SLC26A5: variants seen among roughly 807,000 people sequenced by gnomAD.
The protein encoded by SLC26A5 is prestin.
A neutral mutation model predicts 81.0 loss-of-function variants in SLC26A5; 51 were observed. The observed-to-expected ratio is 0.63, with a 90% CI of 0.50 to 0.80. The LOEUF is 0.80. SLC26A5 is among the 30% of genes least tolerant of loss of function. The pLI is 0.00. For synonymous variants in SLC26A5, 325 were observed against 332.8 expected (o/e 0.98, Z 0.25); for missense variants, 771 against 905.8 (o/e 0.85, Z 1.91).
At chr7:103,362,360 A>G (rs965774019) in intron 19 of SLC26A5, 53 of 1,346,416 alleles carry the variant, frequency 3.9e-5, no homozygotes, top group Non-Finnish European at 4.8e-5. Flanking sequence ...AACATGGTAT[A>G]GGTTGGGGGA....
intron 14 of SLC26A5, among the ~76,000 whole-genome samples, chr7:103,388,193 G>GTTTTT (rs897201043): frequency 2.6e-5 from 3 of 114,928 alleles, no homozygotes; most frequent in African/African-American, 7.0e-5. Context: ...AGCCCATAAA[G>GTTTTT]TTTTTTTTTT....
At chr7:103,387,655 C>T (rs1197976269) in intron 14 of SLC26A5, among the ~76,000 whole-genome samples, 1 of 152,322 alleles carries the variant, frequency 6.6e-6, no homozygotes, top group Middle Eastern at 3.4e-3. Context: ...CAGGACCTGA[C>T]TAAAGTCCAG....
At chr7:103,425,307 C>T (rs1204360943) in intron 2 of SLC26A5, among the ~76,000 whole-genome samples, 1 of 152,140 alleles carries the variant, frequency 6.6e-6, no homozygotes, top group Non-Finnish European at 1.5e-5. Context: ...CTGGCTAAAC[C>T]TAGAACTTCC....
intron 15 of SLC26A5, among the ~76,000 whole-genome samples, chr7:103,379,818 C>T (rs1821641457): frequency 2.0e-5 from 3 of 152,070 alleles, no homozygotes; most frequent in South Asian, 2.1e-4. Context: ...TTATCAAGAA[C>T]CCTTGTGGAA....
intron 19 of SLC26A5, among the ~76,000 whole-genome samples, chr7:103,354,134 C>G (rs1819889010): frequency 6.6e-6 from 1 of 152,086 alleles, no homozygotes; most frequent in Admixed American, 6.5e-5. Context: ...TTCTAGTAAT[C>G]TTCACTAAAT....
At chr7:103,391,003 C>A (rs371670364) in intron 11 of SLC26A5, among the ~76,000 whole-genome samples, 2 of 152,054 alleles carry the variant, frequency 1.3e-5, no homozygotes, top group African/African-American at 4.8e-5. Context: ...GTAGCTGGGA[C>A]TACAGGCATC....
chr7:103,436,260 T>C (rs1462077214), intron 2 of SLC26A5, among the ~76,000 whole-genome samples: 2 of 152,144 alleles, frequency 1.3e-5, no homozygotes, highest in African/African-American at 4.8e-5. Context: ...CAGGAGACCC[T>C]TGGCATTTGA....
At chr7:103,418,742 C>T (rs1285090659) in intron 4 of SLC26A5, among the ~76,000 whole-genome samples, 1 of 152,200 alleles carries the variant, frequency 6.6e-6, no homozygotes, top group Non-Finnish European at 1.5e-5. Context: ...TTTTGGCCAG[C>T]TGACCTACAG....
At chr7:103,431,496 A>C (rs1826081000) in intron 2 of SLC26A5, among the ~76,000 whole-genome samples, 1 of 151,712 alleles carries the variant, frequency 6.6e-6, no homozygotes, top group South Asian at 2.1e-4. Context: ...CTAATTTTTA[A>C]ATTTTTCTTC....
chr7:103,372,436 C>A (rs1207464527), downstream of SLC26A5, among the ~76,000 whole-genome samples: 1 of 152,224 alleles, frequency 6.6e-6, no homozygotes, highest in African/African-American at 2.4e-5. Context: ...AACTCACTAT[C>A]AGCAGGAACT....
intron 3 of SLC26A5, among the ~76,000 whole-genome samples, 172 bp downstream of exon 3, chr7:103,421,191 T>C (rs980691015): frequency 1.3e-5 from 2 of 152,222 alleles, no homozygotes; most frequent in Non-Finnish European, 1.5e-5. Flanking sequence ...TGATGAAGCC[T>C]GTGTGCAAAT....
intron 19 of SLC26A5, 34 bp downstream of exon 19, chr7:103,376,773 TA>T (rs760096480): frequency 1.7e-5 from 25 of 1,455,964 alleles, no homozygotes; most frequent in Non-Finnish European, 2.3e-5. Flanking sequence ...AAAACTAAAA[TA>T]TTAAGCTTCA....
intron 19 of SLC26A5, chr7:103,363,328 T>A: frequency 6.3e-7 from 1 of 1,589,242 alleles, no homozygotes; most frequent in Non-Finnish European, 8.6e-7. Context: ...GTTGTACATT[T>A]CTGTCCCTCT....
At chr7:103,360,040 C>T (rs1026591545) in intron 19 of SLC26A5, among the ~76,000 whole-genome samples, 2 of 150,968 alleles carry the variant, frequency 1.3e-5, no homozygotes, top group African/African-American at 4.9e-5. Context: ...AAGATCGCGC[C>T]ACTGCACTCC....
intron 4 of SLC26A5, among the ~76,000 whole-genome samples, chr7:103,415,701 TTA>T (rs1458130170): frequency 2.6e-5 from 4 of 152,270 alleles, no homozygotes; most frequent in Non-Finnish European, 5.9e-5. Context: ...CAGCTTTTCA[TTA>T]TGTGACTTTT....
At chr7:103,414,188 C>T (rs528649256) in intron 4 of SLC26A5, among the ~76,000 whole-genome samples, 2 of 134,494 alleles carry the variant, frequency 1.5e-5, no homozygotes, top group Non-Finnish European at 3.1e-5. Context: ...TTTTGCCCCC[C>T]CCTTTTTTTT....
chr7:103,389,017 C>A lies in SLC26A5; in HGVS notation c.1505G>T (p.Arg502Ile). 6.2e-7 allele frequency: 1 copy of A among 1,610,652 alleles called. No homozygotes were observed. Among genetic ancestry groups the A allele is most frequent in the South Asian group, 1.1e-5 (1 of 90,828 alleles). Reference protein sequence around the residue: ...VIIALLTVIYRTQSPSYKVLG... With the variant: ...VIIALLTVIYITQSPSYKVLG... ...CAATCTGGGCACTCACCTCTGTGTTCTGTAAATCACAGTCAGCAGAGCAAT... is the reference window on the plus strand; with the variant it reads ...CAATCTGGGCACTCACCTCTGTGTTATGTAAATCACAGTCAGCAGAGCAAT... Residue 502 changes from arginine to isoleucine, a missense_variant, in exon 14 of 20, where the codon AGA (arginine) becomes ATA (isoleucine). Physicochemically the swap from Arg to Ile is moderately conservative, Grantham distance 97 (BLOSUM62 -3). Transcript: ENST00000306312.
chr7:103,417,301 C>T (rs1049938862), intron 4 of SLC26A5, among the ~76,000 whole-genome samples: 7 of 143,090 alleles, frequency 4.9e-5, no homozygotes, highest in East Asian at 2.1e-4. Context: ...ATCCGGGAGG[C>T]GGAGGTTGCA....
chr7:103,420,322 GACTC>G (rs1367034021), intron 4 of SLC26A5, among the ~76,000 whole-genome samples: 25 of 143,124 alleles, frequency 1.7e-4, no homozygotes, highest in African/African-American at 6.5e-4. Flanking sequence ...TTGAGACAGG[GACTC>G]ACTCTGTCTC....
Sources: allele counts gnomAD v4.1 joint callset (sites outside exome capture counted in the v4.1 genomes callset), GRCh38; gene constraint gnomAD v4.1.1; transcripts MANE v1.5; gene names NCBI Gene and HGNC (gene_info 2026-07-23, HGNC 2026-07-21).